MRPL35: variants seen among roughly 807,000 people sequenced by gnomAD.
The protein encoded by MRPL35 is large ribosomal subunit protein bL35m.
MRPL35 carries 18 observed loss-of-function variants against 21.6 expected under a neutral mutation model. The ratio of observed to expected loss-of-function variants is 0.83; its 90% CI spans 0.58 to 1.24. MRPL35 has a LOEUF of 1.24. Ranked by LOEUF, MRPL35 falls within the 50% of genes most tolerant of loss-of-function variation. The probability of loss-of-function intolerance (pLI) is 0.00; values close to 1 mark genes in which losing one functional copy is unlikely to be tolerated. For synonymous variants in MRPL35, 87 were observed against 86.9 expected, an observed-to-expected ratio of 1.00 and a Z score of -0.01; for missense variants, 223 against 223.2, an observed-to-expected ratio of 1.00 and a Z score of 0.01.
In MRPL35 at chr2:86,211,012, G is replaced by A; in HGVS notation, c.*344G>A. 1.0e-6 allele frequency: 1 copy of A among 998,584 alleles called. No homozygotes were observed. Among genetic ancestry groups the A allele is most frequent in the Non-Finnish European group, 1.2e-6 (1 of 838,414 alleles). 61.9% of individuals were successfully genotyped at this position (998,584 alleles called of 1,614,324 possible). On this transcript the variant is annotated 3_prime_UTR_variant, in exon 4 of 4. Transcript: ENST00000337109. ...CTCAAGCAATGTGACATTATTTCAA[G>A]GATATGTGCCAGGGAATTCAGGAAC... is the stretch of plus-strand genomic sequence containing the variant.
At chr2:86,199,662 C>A in intron 1 of MRPL35, 129 bp downstream of exon 1, 2 of 1,199,786 alleles carry the variant, frequency 1.7e-6, no homozygotes, top group South Asian at 1.3e-5. Context: ...AGGTTGCGCC[C>A]AATTTTCTCT....
intron 3 of MRPL35, among the ~76,000 whole-genome samples, chr2:86,209,609 A>G (rs1260436795): frequency 6.6e-6 from 1 of 152,208 alleles, no homozygotes; most frequent in Admixed American, 6.5e-5. Flanking sequence ...TAATAGTCTT[A>G]CCATATTCAT....
chr2:86,210,354 G>T, intron 3 of MRPL35, 126 bp from the exon 4 acceptor site: 1 of 344,886 alleles, frequency 2.9e-6, no homozygotes. Flanking sequence ...ATCTTTCCAA[G>T]AAATAGTCCA....
Position 86,212,998 on chromosome 2 carries a change from T to G in MRPL35, c.*2330T>G. On this transcript the variant is annotated 3_prime_UTR_variant, in exon 4 of 4. Coordinates refer to ENST00000337109, the MANE Select transcript of MRPL35 (RefSeq NM_016622.4). ...TAACTGCTAATCCACATTTCCAGTC[T>G]TACAAAGGACATAATGATTAGTTAA... 1.3e-6 allele frequency: 1 copy of G among 760,996 alleles called. No individual in the cohort carries two copies. The highest frequency in any genetic ancestry group is 1.6e-6 in the Non-Finnish European group (1 of 625,348). The allele number at this position is 760,996 out of a possible 1,614,324, so 47.1% of individuals were successfully genotyped here.
rs1229056689 is a variant in MRPL35, at chr2:86,213,573, AG to A, written c.*2908del. The A allele has an allele frequency of 6.5e-6, 10 of 1,541,740 alleles. No individual in the cohort carries two copies. The highest frequency in any genetic ancestry group is 8.8e-6 in the Non-Finnish European group (10 of 1,141,898). On this transcript the variant is annotated 3_prime_UTR_variant, in exon 4 of 4. Coordinates refer to ENST00000337109, the MANE Select transcript of MRPL35 (RefSeq NM_016622.4). The stretch of plus-strand genomic sequence containing the variant: ...TCTGCCTGTTCAGATGTGAAAGGTA[AG>A]GGCTGCAGCAGGTTTAAGGGTGGCC...
In MRPL35 at chr2:86,207,192, C is replaced by T. The variant is rs578131651; in HGVS notation, c.243C>T (p.Pro81=). 292 of 1,609,712 alleles carry T rather than the reference C, an allele frequency of 1.8e-4. 3 individuals carry two copies. The South Asian group carries it at 2.0e-3, about 11-fold the overall frequency. The change falls in exon 3 of 4, where the codon CCC becomes CCT. Residue 81 remains proline, a synonymous_variant. Transcript: ENST00000337109. The stretch of plus-strand genomic sequence containing the variant: ...TAAAATATATTTTTAGAATGGCCCC[C>T]GTGCTTCCAAGTGTCCTGAAGCTGC... ...HTSVILNRMA[P]VLPSVLKLPV... is the part of the protein sequence containing the mutation.
rs182480649 is a variant in MRPL35 at position 86,210,319 on chromosome 2, C to T, written c.379-161C>T. On this transcript the variant is annotated intron_variant, in intron 3 of 3. Coordinates refer to ENST00000337109, the MANE Select transcript of MRPL35 (RefSeq NM_016622.4). ...CTCCATCCCCCTCCCCGCCACCCTCCCTTCCCCCGGCCATTGAGAATCACA... is the reference window on the plus strand; with the variant it reads ...CTCCATCCCCCTCCCCGCCACCCTCTCTTCCCCCGGCCATTGAGAATCACA... Among the ~76,000 whole-genome samples, 115 of 150,516 alleles carry T rather than the reference C, an allele frequency of 7.6e-4. 1 individual carries two copies. The highest frequency in any genetic ancestry group is 2.6e-3 in the African/African-American group (109 of 41,144).
Position 86,211,801 on chromosome 2 carries a change from A to T in MRPL35, c.*1133A>T, listed in dbSNP as rs756946114. The T allele has an allele frequency of 1.1e-4, 105 of 985,224 alleles. 1 individual carries two copies. Among genetic ancestry groups the T allele is most frequent in the Non-Finnish European group, 1.3e-4 (104 of 829,894 alleles). The allele number at this position is 985,224 out of a possible 1,614,324, so 61.0% of individuals were successfully genotyped here. On this transcript the variant is annotated 3_prime_UTR_variant, in exon 4 of 4. Transcript: ENST00000337109. ...TCCTGCCTCAGCTTACTGAGTAAGG[A>T]TATGTATTTCTTAAAAGTTAGTTTA...
intron 3 of MRPL35, 132 bp downstream of exon 3, chr2:86,207,459 T>G (rs1366782794): frequency 1.1e-6 from 1 of 918,896 alleles, no homozygotes; most frequent in Non-Finnish European, 1.5e-6. Context: ...GCCAACATGG[T>G]GAAACTCCAT....
intron 1 of MRPL35, among the ~76,000 whole-genome samples, chr2:86,201,424 GTT>G (rs1163933798): frequency 6.6e-6 from 1 of 151,796 alleles, no homozygotes; most frequent in Non-Finnish European, 1.5e-5. Flanking sequence ...TTTTTGTTTT[GTT>G]TTTGTTTTTC....
At chr2:86,203,990 CTT>C (rs59000498) in intron 1 of MRPL35, among the ~76,000 whole-genome samples, 3 of 145,472 alleles carry the variant, frequency 2.1e-5, no homozygotes, top group Non-Finnish European at 1.5e-5. Flanking sequence ...GTATTTTTCG[CTT>C]TTTTTTTTTG....
Position 86,210,776 on chromosome 2 carries a change from G to A in MRPL35, c.*108G>A. ...TGATGTAAATTGTACCAATGAATAC[G>A]TAAACATACAGTGACAACATTAAAC... On this transcript the variant is annotated 3_prime_UTR_variant, in exon 4 of 4. Transcript: ENST00000337109. 1 of 1,411,730 alleles carries A rather than the reference G, an allele frequency of 7.1e-7. No homozygotes were observed. Among genetic ancestry groups the A allele is most frequent in the Non-Finnish European group, 9.3e-7 (1 of 1,076,736 alleles). The allele number at this position is 1,411,730 out of a possible 1,614,324, so 87.5% of individuals were successfully genotyped here.
Position 86,212,016 on chromosome 2 carries a change from G to A in MRPL35, c.*1348G>A. 1 of 1,021,236 alleles carries A rather than the reference G, an allele frequency of 9.8e-7. No homozygotes were observed. The highest frequency in any genetic ancestry group is 1.2e-6 in the Non-Finnish European group (1 of 852,586). 63.3% of individuals were successfully genotyped at this position (1,021,236 alleles called of 1,614,324 possible). ...GTTCAATTGAGTGGTTACAGTCTAGGGCAGTGGTTCCCAACTCTCCGATCA... is the reference window on the plus strand; with the variant it reads ...GTTCAATTGAGTGGTTACAGTCTAGAGCAGTGGTTCCCAACTCTCCGATCA... On this transcript the variant is annotated 3_prime_UTR_variant, in exon 4 of 4. Transcript: ENST00000337109.
At chr2:86,204,801 G>C (rs1444634731) in intron 1 of MRPL35, among the ~76,000 whole-genome samples, 2 of 152,128 alleles carry the variant, frequency 1.3e-5, no homozygotes, top group Non-Finnish European at 2.9e-5. Flanking sequence ...GTTGACCCTG[G>C]AACAATACAG....
At chr2:86,200,981 T>C (rs1673673656) in intron 1 of MRPL35, among the ~76,000 whole-genome samples, 2 of 152,196 alleles carry the variant, frequency 1.3e-5, no homozygotes, top group African/African-American at 4.8e-5. Flanking sequence ...TATAATATTA[T>C]ATGACTGTGC....
In MRPL35 at chr2:86,211,360, A is replaced by G; in HGVS notation, c.*692A>G. The G allele has an allele frequency of 1.0e-6, 1 of 973,400 alleles. No homozygotes were observed. Among genetic ancestry groups the G allele is most frequent in the Non-Finnish European group, 1.2e-6 (1 of 819,138 alleles). The allele number at this position is 973,400 out of a possible 1,614,324, so 60.3% of individuals were successfully genotyped here. A position where few individuals can be genotyped will look rare whatever the true frequency, so the allele number is the denominator to read the frequency against. Reference sequence around the variant, plus strand: ...TAACTGGGCCAGACTACCTTTTTATACTAGGTCTGGTTGGGTCATTGTCTA... The same window carrying G: ...TAACTGGGCCAGACTACCTTTTTATGCTAGGTCTGGTTGGGTCATTGTCTA... On this transcript the variant is annotated 3_prime_UTR_variant, in exon 4 of 4. Coordinates refer to ENST00000337109, the MANE Select transcript of MRPL35 (RefSeq NM_016622.4).
At position 86,212,226 on chromosome 2, in the gene MRPL35, G is replaced by A. The variant is rs931071436; in HGVS notation, c.*1558G>A. ...CAGCATGTCAGGCCAGGATTATTAG[G>A]GAGATTCCTCGAAACTAGTGTGTGT... is the stretch of plus-strand genomic sequence containing the variant. On this transcript the variant is annotated 3_prime_UTR_variant, in exon 4 of 4. Coordinates refer to ENST00000337109, the MANE Select transcript of MRPL35 (RefSeq NM_016622.4). The A allele has an allele frequency of 7.4e-7, 1 of 1,353,916 alleles. No homozygotes were observed. Among genetic ancestry groups the A allele is most frequent in the South Asian group, 1.9e-5 (1 of 53,044 alleles). 83.9% of individuals were successfully genotyped at this position (1,353,916 alleles called of 1,614,324 possible). A position where few individuals can be genotyped will look rare whatever the true frequency, so the allele number is the denominator to read the frequency against.
intron 1 of MRPL35, among the ~76,000 whole-genome samples, chr2:86,201,941 G>T (rs4832254): frequency 0.88 from 134,488 of 152,168 alleles, 59,742 homozygotes; most frequent in East Asian, 0.98. Flanking sequence ...TTCGTACTCT[G>T]TCAAAACTCT....
chr2:86,201,033 CTGAT>C (rs1673674859), intron 1 of MRPL35, among the ~76,000 whole-genome samples: 1 of 152,180 alleles, frequency 6.6e-6, no homozygotes, highest in Admixed American at 6.5e-5. Context: ...ATGTACAAAG[CTGAT>C]TGATCTCATC....
Sources: allele counts gnomAD v4.1 joint callset (sites outside exome capture counted in the v4.1 genomes callset), GRCh38; gene constraint gnomAD v4.1.1; transcripts MANE v1.5; gene names NCBI Gene and HGNC (gene_info 2026-07-23, HGNC 2026-07-21).